ZFYVE9: variants seen among roughly 807,000 people sequenced by gnomAD.
The protein encoded by ZFYVE9 is zinc finger FYVE-type containing 9, also known as zinc finger FYVE domain-containing protein 9.
A neutral mutation model predicts 126.7 loss-of-function variants in ZFYVE9; 43 were observed. The ratio of observed to expected loss-of-function variants is 0.34; its 90% CI spans 0.27 to 0.44. The LOEUF (loss-of-function observed/expected upper bound fraction) is 0.44, where lower values mean the gene tolerates loss of function less well. ZFYVE9 is among the 20% of genes least tolerant of loss of function. ZFYVE9 has a pLI of 1.00. For synonymous variants in ZFYVE9, 521 were observed against 597.4 expected (o/e 0.87, Z 1.87); for missense variants, 1,476 against 1,697.0 (o/e 0.87, Z 2.29).
intron 1 of ZFYVE9, among the ~76,000 whole-genome samples, chr1:52,193,728 AAAAAGAT>A (rs1644836210): frequency 6.6e-6 from 1 of 151,264 alleles, no homozygotes; most frequent in African/African-American, 2.4e-5. Flanking sequence ...AAAAAAAAAA[AAAAAGAT>A]ACACACTAAT....
In ZFYVE9 at chr1:52,346,308, A is replaced by T; in HGVS notation, c.*87A>T. 6 of 1,149,540 alleles carry T rather than the reference A, an allele frequency of 5.2e-6. No homozygotes were observed. The highest frequency in any genetic ancestry group is 7.0e-6 in the Non-Finnish European group (6 of 853,038). 71.2% of individuals were successfully genotyped at this position (1,149,540 alleles called of 1,614,324 possible). ...TTTGCACTTTAAAACTGGAAGATTA[A>T]GCTTTTGTTAACACTATTAATGGGG... On this transcript the variant is annotated 3_prime_UTR_variant, in exon 19 of 19. Coordinates refer to ENST00000287727, the MANE Select transcript of ZFYVE9 (RefSeq NM_004799.4).
chr1:52,244,864 A>T (rs1429801985), intron 4 of ZFYVE9, among the ~76,000 whole-genome samples: 3 of 152,168 alleles, frequency 2.0e-5, no homozygotes, highest in East Asian at 1.9e-4. Flanking sequence ...AAAACAATTT[A>T]AAAAAACTTT....
Position 52,239,012 on chromosome 1 carries a change from G to C in ZFYVE9, c.1595G>C (p.Gly532Ala). 1 of 1,614,102 alleles carries C rather than the reference G, an allele frequency of 6.2e-7. No individual in the cohort carries two copies. The highest frequency in any genetic ancestry group is 8.5e-7 in the Non-Finnish European group (1 of 1,180,012). Residue 532 changes from glycine (G) to alanine (A), a missense_variant, in exon 4 of 19, where the codon GGA (glycine) becomes GCA (alanine). By Grantham distance (60) the Gly-to-Ala change is moderately conservative. This residue lies in a region of ZFYVE9 where 807 missense variants were observed against 794.6 expected (regional missense o/e 1.02). Coordinates refer to ENST00000287727, the MANE Select transcript of ZFYVE9 (RefSeq NM_004799.4). ...QRGNEATEGS[G>A]LLLNSTGDLM... Reference sequence around the variant, plus strand: ...GGAAATGAGGCCACAGAAGGGAGTGGACTACTTTTAAACAGCACTGGTGAC... The same window carrying C: ...GGAAATGAGGCCACAGAAGGGAGTGCACTACTTTTAAACAGCACTGGTGAC...
At chr1:52,207,425 T>C (rs1049361674) in intron 1 of ZFYVE9, among the ~76,000 whole-genome samples, 6 of 152,220 alleles carry the variant, frequency 3.9e-5, no homozygotes, top group Non-Finnish European at 8.8e-5. Context: ...ACTGGGAATT[T>C]GATGTTTGTG....
At chr1:52,339,350 C>G (rs960131604) in intron 16 of ZFYVE9, among the ~76,000 whole-genome samples, 1 of 151,236 alleles carries the variant, frequency 6.6e-6, no homozygotes, top group African/African-American at 2.4e-5. Flanking sequence ...TACAGTGGTG[C>G]GATCGCAGCT....
intron 1 of ZFYVE9, among the ~76,000 whole-genome samples, chr1:52,182,473 C>T (rs1184191465): frequency 1.3e-5 from 2 of 152,128 alleles, no homozygotes; most frequent in Non-Finnish European, 2.9e-5. Flanking sequence ...CTCTCTGAAA[C>T]ATGTGCTGTG....
intron 4 of ZFYVE9, chr1:52,253,646 C>A: frequency 6.6e-7 from 1 of 1,510,932 alleles, no homozygotes; most frequent in Non-Finnish European, 9.2e-7. Context: ...AAGGCACCTC[C>A]TGGTACTGAC....
intron 2 of ZFYVE9, among the ~76,000 whole-genome samples, chr1:52,222,637 T>C (rs1171704577): frequency 1.3e-5 from 2 of 152,228 alleles, no homozygotes; most frequent in Non-Finnish European, 2.9e-5. Context: ...TTATATGTTT[T>C]AAACCTATCC....
chr1:52,222,215 A>G (rs1645129897), intron 2 of ZFYVE9, among the ~76,000 whole-genome samples: 1 of 152,218 alleles, frequency 6.6e-6, no homozygotes. Context: ...GAGAAGGCAT[A>G]TGGATGAAGG....
At chr1:52,169,723 A>G (rs1452593693) in intron 1 of ZFYVE9, among the ~76,000 whole-genome samples, 1 of 152,184 alleles carries the variant, frequency 6.6e-6, no homozygotes, top group Non-Finnish European at 1.5e-5. Flanking sequence ...CAGGTGCTCA[A>G]GTATTGGTTG....
chr1:52,305,279 A>G (rs1646071764), intron 13 of ZFYVE9, among the ~76,000 whole-genome samples: 1 of 152,078 alleles, frequency 6.6e-6, no homozygotes, highest in African/African-American at 2.4e-5. Flanking sequence ...CGTCTCTACT[A>G]AAAATACAAA....
intron 14 of ZFYVE9, among the ~76,000 whole-genome samples, chr1:52,333,355 G>T (rs1646361260): frequency 6.6e-6 from 1 of 151,478 alleles, no homozygotes; most frequent in African/African-American, 2.4e-5. Context: ...TTGAAGGCAC[G>T]ACTAGGCCCC....
intron 9 of ZFYVE9, among the ~76,000 whole-genome samples, chr1:52,280,108 G>A (rs1645787000): frequency 6.6e-6 from 1 of 151,842 alleles, no homozygotes; most frequent in African/African-American, 2.4e-5. Flanking sequence ...CAGGCACCAT[G>A]GTGCACACCT....
At chr1:52,255,455 C>T (rs1352004356) in intron 4 of ZFYVE9, among the ~76,000 whole-genome samples, 1 of 151,880 alleles carries the variant, frequency 6.6e-6, no homozygotes, top group Non-Finnish European at 1.5e-5. Flanking sequence ...CATGGTGGCA[C>T]ATGCCTGTAG....
intron 1 of ZFYVE9, among the ~76,000 whole-genome samples, chr1:52,183,166 C>G (rs1644730760): frequency 6.6e-6 from 1 of 152,070 alleles, no homozygotes; most frequent in South Asian, 2.1e-4. Flanking sequence ...TGTTTGTTAT[C>G]AAAAGATGTT....
intron 1 of ZFYVE9, among the ~76,000 whole-genome samples, chr1:52,209,294 C>T (rs1645006195): frequency 6.6e-6 from 1 of 151,968 alleles, no homozygotes; most frequent in South Asian, 2.1e-4. Context: ...GGAGAGGGTT[C>T]AAGGCTTAAA....
chr1:52,146,678 T>C (rs1644309220), intron 1 of ZFYVE9, among the ~76,000 whole-genome samples: 1 of 152,124 alleles, frequency 6.6e-6, no homozygotes, highest in African/African-American at 2.4e-5. Flanking sequence ...TTCTCTGAGT[T>C]TTGAAAAAAA....
chr1:52,206,757 C>T (rs1368909539), intron 1 of ZFYVE9, among the ~76,000 whole-genome samples: 2 of 152,126 alleles, frequency 1.3e-5, no homozygotes, highest in Non-Finnish European at 2.9e-5. Flanking sequence ...GCCATGTTGG[C>T]CAGGCTCTTC....
chr1:52,270,340 T>C (rs1645677112), intron 7 of ZFYVE9, among the ~76,000 whole-genome samples: 1 of 152,190 alleles, frequency 6.6e-6, no homozygotes, highest in Non-Finnish European at 1.5e-5. Flanking sequence ...CCTGGCTCAC[T>C]GCAAGCTCCG....
Sources: gnomAD v4.1 joint callset for allele counts (sites outside exome capture counted in the v4.1 genomes callset) on GRCh38, gnomAD v4.1.1 for gene constraint, gnomAD v4.1.1 regional missense constraint, MANE v1.5 for transcripts, NCBI Gene and HGNC (gene_info 2026-07-23, HGNC 2026-07-21) for gene names.